The following KIAA1217 variants were observed in gnomAD, a reference collection of about 807,000 sequenced individuals.
The protein encoded by KIAA1217 is KIAA1217.
Under a neutral mutation model 163.9 loss-of-function variants are expected in KIAA1217, and 88 were observed. That is an observed-to-expected ratio of 0.54 (90% CI 0.45 to 0.64). The LOEUF is 0.64. Ranked by LOEUF, KIAA1217 falls within the 30% of genes least tolerant of loss-of-function variation. The pLI is 0.00. For synonymous variants in KIAA1217, 903 were observed against 923.1 expected, an observed-to-expected ratio of 0.98 and a Z score of 0.39; for missense variants, 2,372 against 2,475.0, an observed-to-expected ratio of 0.96 and a Z score of 0.88.
intron 1 of KIAA1217, among the ~76,000 whole-genome samples, chr10:23,875,119 G>T (rs1840622253): frequency 6.6e-6 from 1 of 152,024 alleles, no homozygotes; most frequent in Non-Finnish European, 1.5e-5. Flanking sequence ...CCAAGCCATT[G>T]ATGAGGGATG....
intron 1 of KIAA1217, among the ~76,000 whole-genome samples, chr10:23,735,846 A>G (rs1838766561): frequency 6.6e-6 from 1 of 152,232 alleles, no homozygotes; most frequent in African/African-American, 2.4e-5. Flanking sequence ...ATTTTGACAT[A>G]TAGACATATG....
At chr10:23,814,457 C>T (rs1182709573) in intron 1 of KIAA1217, among the ~76,000 whole-genome samples, 1 of 152,156 alleles carries the variant, frequency 6.6e-6, no homozygotes, top group Non-Finnish European at 1.5e-5. Flanking sequence ...GCTAGCTTCT[C>T]AATATATGTT....
chr10:23,725,209 A>G (rs1021914614), intron 1 of KIAA1217, among the ~76,000 whole-genome samples: 2 of 152,216 alleles, frequency 1.3e-5, no homozygotes, highest in African/African-American at 2.4e-5. Flanking sequence ...GGCTCAGCCT[A>G]TGCTGTGGAG....
intron 2 of KIAA1217, among the ~76,000 whole-genome samples, chr10:24,315,361 A>G (rs2043218101): frequency 6.6e-6 from 1 of 152,174 alleles, no homozygotes; most frequent in African/African-American, 2.4e-5. Flanking sequence ...CTCTAAGTAC[A>G]CTATACACTT....
At chr10:24,438,203 T>C (rs543211528) in intron 4 of KIAA1217, among the ~76,000 whole-genome samples, 183 bp from the exon 5 acceptor site, 145 of 152,302 alleles carry the variant, frequency 9.5e-4, no homozygotes, top group East Asian at 5.8e-4. Flanking sequence ...AAGTCATTTT[T>C]CTTCTTCTTT....
At position 24,046,998 on chromosome 10, in the gene KIAA1217, T is replaced by C. The variant is rs1849079334; in HGVS notation, c.-171+39624T>C. On this transcript the variant is annotated intron_variant, in intron 2 of 18. Coordinates refer to the KIAA1217 transcript ENST00000376462. ...GCACTCTGCAATTCAGAATAAGCTC[T>C]TCTGCTTTCAGCATTTGTATTTGTT... is the stretch of plus-strand genomic sequence containing the variant. Among the ~76,000 whole-genome samples the C allele has an allele frequency of 1.3e-5, 2 of 152,256 alleles. 1 individual carries two copies. The highest frequency in any genetic ancestry group is 4.1e-4 in the South Asian group (2 of 4,836).
At chr10:23,947,097 T>C (rs1844089356) in intron 1 of KIAA1217, among the ~76,000 whole-genome samples, 1 of 152,218 alleles carries the variant, frequency 6.6e-6, no homozygotes, top group South Asian at 2.1e-4. Context: ...GCCATGATTG[T>C]AAGTTTCCTG....
At chr10:23,962,854 C>G (rs1028227634) in intron 1 of KIAA1217, among the ~76,000 whole-genome samples, 48 of 152,238 alleles carry the variant, frequency 3.2e-4, no homozygotes, top group Non-Finnish European at 4.4e-5. Context: ...TGACCAGCTC[C>G]CCTTTAACTA....
At chr10:24,064,388 G>A (rs948288727) in intron 2 of KIAA1217, among the ~76,000 whole-genome samples, 11 of 152,102 alleles carry the variant, frequency 7.2e-5, no homozygotes, top group South Asian at 4.1e-4. Flanking sequence ...TTCTGCATCT[G>A]TTGAGATAAT....
chr10:24,282,836 T>A (rs1403590329), intron 2 of KIAA1217, among the ~76,000 whole-genome samples: 1 of 143,382 alleles, frequency 7.0e-6, no homozygotes, highest in Non-Finnish European at 1.5e-5. Flanking sequence ...TTTTTTTTTT[T>A]TTTTTTTTTT....
At position 24,373,996 on chromosome 10, in the gene KIAA1217, C is replaced by A. The variant is rs115647644; in HGVS notation, c.355-6873C>A. ...AACTGCTGAATCGTCTGATTTCCAT[C>A]CAGAACAAATGCCATTCTGTTTTCA... On this transcript the variant is annotated intron_variant, in intron 2 of 20. Coordinates refer to ENST00000376454, the MANE Select transcript of KIAA1217 (RefSeq NM_019590.5). 6.3e-3 allele frequency among the ~76,000 whole-genome samples: 956 copies of A among 152,270 alleles called. 8 individuals are homozygous for A. The highest frequency in any genetic ancestry group is 0.022 in the African/African-American group (902 of 41,544).
intron 1 of KIAA1217, among the ~76,000 whole-genome samples, chr10:23,936,818 A>G (rs1843548703): frequency 6.6e-6 from 1 of 152,224 alleles, no homozygotes; most frequent in South Asian, 2.1e-4. Flanking sequence ...CCAGGAAACT[A>G]ATACACACAG....
chr10:24,055,362 T>C (rs1240033165), intron 2 of KIAA1217, among the ~76,000 whole-genome samples: 1 of 152,240 alleles, frequency 6.6e-6, no homozygotes, highest in African/African-American at 2.4e-5. Context: ...AATATTAGAC[T>C]ATGTTTAACT....
intron 15 of KIAA1217, 109 bp from the exon 16 acceptor site, chr10:24,532,961 A>G: frequency 1.1e-6 from 1 of 920,036 alleles, no homozygotes; most frequent in Non-Finnish European, 1.5e-6. Context: ...TTCTCAGCTA[A>G]GATCTAGGAA....
intron 2 of KIAA1217, among the ~76,000 whole-genome samples, chr10:24,261,270 G>A (rs1160360429): frequency 6.6e-6 from 1 of 152,110 alleles, no homozygotes; most frequent in Non-Finnish European, 1.5e-5. Context: ...GGCTGAGGCA[G>A]GTGGATTACT....
chr10:24,123,061 A>G (rs1404805240), intron 2 of KIAA1217, among the ~76,000 whole-genome samples: 1 of 151,800 alleles, frequency 6.6e-6, no homozygotes, highest in Non-Finnish European at 1.5e-5. Context: ...CCTTTCCAAG[A>G]TAATTATCAT....
At chr10:23,901,860 G>A (rs58109685) in intron 1 of KIAA1217, among the ~76,000 whole-genome samples, 10,099 of 147,590 alleles carry the variant, frequency 0.068, 1,145 homozygotes, top group African/African-American at 0.24. Flanking sequence ...GGAGTGAGTC[G>A]AGATTGTACC....
At chr10:23,926,204 G>A (rs1437665438) in intron 1 of KIAA1217, among the ~76,000 whole-genome samples, 1 of 152,160 alleles carries the variant, frequency 6.6e-6, no homozygotes, top group East Asian at 1.9e-4. Flanking sequence ...CCCACCCAGG[G>A]CCGGGATGGG....
At chr10:23,775,552 C>G (rs1834973381) in intron 1 of KIAA1217, among the ~76,000 whole-genome samples, 1 of 152,122 alleles carries the variant, frequency 6.6e-6, no homozygotes, top group South Asian at 2.1e-4. Flanking sequence ...ACTCCTCCGT[C>G]CCCAAGTCAC....
Sources: gnomAD v4.1 joint callset for allele counts (sites outside exome capture counted in the v4.1 genomes callset) on GRCh38, gnomAD v4.1.1 for gene constraint, MANE v1.5 for transcripts, NCBI Gene and HGNC (gene_info 2026-07-23, HGNC 2026-07-21) for gene names.